Variants in VPS13A observed in about 807,000 individuals in gnomAD.
VPS13A encodes intermembrane lipid transfer protein VPS13A.
In VPS13A, 264 loss-of-function variants were observed where a neutral mutation model predicts 390.9. That is an observed-to-expected ratio of 0.68 (90% confidence interval 0.61 to 0.75). The LOEUF is 0.75. Among genes scored for constraint, VPS13A ranks in the 30% least tolerant of loss-of-function variants. The pLI, the probability that VPS13A is intolerant of heterozygous loss-of-function variation, is 0.00. For synonymous variants in VPS13A, 1,231 were observed against 1,227.1 expected (o/e 1.00, Z -0.07); for missense variants, 3,409 against 3,733.9 (o/e 0.91, Z 2.27).
chr9:77,415,365 A>C (rs765077571), intron 71 of VPS13A, among the ~76,000 whole-genome samples: 2 of 152,212 alleles, frequency 1.3e-5, no homozygotes, highest in Non-Finnish European at 2.9e-5. Context: ...AAGAGGTACA[A>C]ACATCTCTGT....
intron 24 of VPS13A, among the ~76,000 whole-genome samples, chr9:77,273,989 G>C (rs1423418392): frequency 6.6e-6 from 1 of 151,990 alleles, no homozygotes. Context: ...GGCGTATTTT[G>C]GTCTTCTGTA....
intron 53 of VPS13A, 79 bp from the exon 54 acceptor site, chr9:77,353,330 G>C (rs568224942): frequency 3.6e-6 from 4 of 1,120,828 alleles, no homozygotes; most frequent in Non-Finnish European, 5.2e-6. Flanking sequence ...TTTTATAAAT[G>C]TGAAATCTAA....
intron 26 of VPS13A, chr9:77,279,942 G>A (rs1316589516): frequency 7.3e-6 from 3 of 411,818 alleles, no homozygotes; most frequent in Non-Finnish European, 1.4e-5. Flanking sequence ...AGACTTCAGT[G>A]TTGTGGCACA....
intron 17 of VPS13A, among the ~76,000 whole-genome samples, chr9:77,234,692 C>T (rs1442829813): frequency 1.3e-5 from 2 of 152,008 alleles, no homozygotes; most frequent in Admixed American, 6.6e-5. Flanking sequence ...GAAGTTCTGC[C>T]ATTTTGCTAT....
intron 10 of VPS13A, among the ~76,000 whole-genome samples, chr9:77,218,232 G>C (rs1822977014): frequency 6.7e-6 from 1 of 150,038 alleles, no homozygotes. Flanking sequence ...TCCTGTCTCA[G>C]ACTCCCGAGT....
intron 7 of VPS13A, among the ~76,000 whole-genome samples, chr9:77,212,189 C>G (rs1826008832): frequency 6.6e-6 from 1 of 152,146 alleles, no homozygotes; most frequent in South Asian, 2.1e-4. Flanking sequence ...AGTGGCTTTT[C>G]ATTGCTCTTA....
intron 34 of VPS13A, among the ~76,000 whole-genome samples, 172 bp from the exon 35 acceptor site, chr9:77,307,773 A>G (rs1014917875): frequency 3.3e-5 from 5 of 152,194 alleles, no homozygotes; most frequent in African/African-American, 1.2e-4. Flanking sequence ...ACAAGCTACT[A>G]AAGAGCACAT....
At chr9:77,262,759 G>A (rs907841999) in intron 23 of VPS13A, among the ~76,000 whole-genome samples, 33 of 152,274 alleles carry the variant, frequency 2.2e-4, no homozygotes, top group Middle Eastern at 3.4e-3. Flanking sequence ...CAAAGGACAT[G>A]AACTCATCCT....
chr9:77,234,257 G>C (rs1260239459), intron 17 of VPS13A, among the ~76,000 whole-genome samples: 1 of 152,080 alleles, frequency 6.6e-6, no homozygotes, highest in Non-Finnish European at 1.5e-5. Context: ...CCTCACTGCA[G>C]CCTTGAACTC....
chr9:77,217,319 AT>A (rs1273146211), intron 10 of VPS13A, among the ~76,000 whole-genome samples: 1 of 152,108 alleles, frequency 6.6e-6, no homozygotes, highest in African/African-American at 2.4e-5. Context: ...TTTGTATTTA[AT>A]TTTTTATTTG....
chr9:77,382,050 A>C lies in VPS13A; in HGVS notation c.9152A>C (p.Tyr3051Ser). The change falls in exon 68 of 72, where the codon TAC becomes TCC. Residue 3051 changes from tyrosine to serine, a missense_variant. Physicochemically the swap from Tyr to Ser is moderately radical, Grantham distance 144 (BLOSUM62 -2). Around this residue, in one of 5 missense-constraint regions of VPS13A, gnomAD observed 318 missense variants for 333.7 expected, o/e 0.95. Transcript: ENST00000360280. ...FFNEDGVIRPYRLRDGTGNQM... is the reference protein window; with the variant it reads ...FFNEDGVIRPSRLRDGTGNQM... Reference sequence around the variant, plus strand: ...AATGAAGATGGAGTTATCAGACCGTACAGGTTGAGGGATGGGACTGGAAAT... The same window carrying C: ...AATGAAGATGGAGTTATCAGACCGTCCAGGTTGAGGGATGGGACTGGAAAT... The C allele has an allele frequency of 6.2e-7, 1 of 1,608,796 alleles. No homozygotes were observed. Among genetic ancestry groups the C allele is most frequent in the Non-Finnish European group, 8.5e-7 (1 of 1,177,170 alleles).
intron 50 of VPS13A, 92 bp from the exon 51 acceptor site, chr9:77,344,061 T>C: frequency 8.1e-7 from 1 of 1,234,278 alleles, no homozygotes; most frequent in Admixed American, 2.3e-5. Context: ...TTTTTTATAG[T>C]TTAAGTCTAT....
intron 46 of VPS13A, among the ~76,000 whole-genome samples, chr9:77,336,782 G>C (rs1415214425): frequency 6.8e-6 from 1 of 145,988 alleles, no homozygotes; most frequent in African/African-American, 2.5e-5. Flanking sequence ...AGAAAGTTAA[G>C]ATGATATCTA....
At chr9:77,375,010 T>C (rs1832989333) in intron 67 of VPS13A, among the ~76,000 whole-genome samples, 1 of 151,942 alleles carries the variant, frequency 6.6e-6, no homozygotes, top group Admixed American at 6.6e-5. Context: ...AGAATTAAGG[T>C]GGGGGAAAAA....
At chr9:77,220,412 A>G (rs1295833223) in intron 12 of VPS13A, 29 bp downstream of exon 12, 3 of 1,162,128 alleles carry the variant, frequency 2.6e-6, no homozygotes, top group Admixed American at 2.0e-5. Context: ...TTTTTTTTTT[A>G]GATTTTAAAA....
At chr9:77,183,090 C>G (rs1455350878) in intron 1 of VPS13A, among the ~76,000 whole-genome samples, 3 of 152,080 alleles carry the variant, frequency 2.0e-5, no homozygotes, top group African/African-American at 4.8e-5. Context: ...TTCTAAGATA[C>G]TTTAATAAAA....
chr9:77,355,283 G>A (rs943034654), intron 54 of VPS13A, among the ~76,000 whole-genome samples: 1 of 152,172 alleles, frequency 6.6e-6, no homozygotes, highest in Non-Finnish European at 1.5e-5. Context: ...GCCATATCCA[G>A]TGTAGAATTA....
intron 25 of VPS13A, 24 bp downstream of exon 25, chr9:77,275,676 A>C (rs774261203): frequency 1.2e-6 from 2 of 1,606,032 alleles, no homozygotes; most frequent in African/African-American, 2.7e-5. Flanking sequence ...TAAAATTAAC[A>C]TGGCTTAATT....
At position 77,283,619 on chromosome 9, in the gene VPS13A, T is replaced by C. The variant is rs765025568; in HGVS notation, c.3308T>C (p.Leu1103Ser). The C allele has an allele frequency of 4.3e-6, 7 of 1,612,198 alleles. 1 individual carries two copies. In the South Asian group the frequency reaches 7.7e-5, roughly 18 times the overall value. Residue 1103 changes from leucine to serine, a missense_variant, in exon 31 of 72, where the codon TTA becomes TCA. By Grantham distance (145) the Leu-to-Ser change is moderately radical. Around this residue, in one of 5 missense-constraint regions of VPS13A, gnomAD observed 2,717 missense variants for 2,917.4 expected, o/e 0.93. Coordinates refer to ENST00000360280, the MANE Select transcript of VPS13A (RefSeq NM_033305.3). ...GCAAAGCTAAGGAATATAATTGTTTTAGATTCTGATATAACAGCTATATAC... is the reference window on the plus strand; with the variant it reads ...GCAAAGCTAAGGAATATAATTGTTTCAGATTCTGATATAACAGCTATATAC... ...INAKLRNIIV[L>S]DSDITAIYKK...
Sources: gnomAD v4.1 joint callset for allele counts (sites outside exome capture counted in the v4.1 genomes callset) on GRCh38, gnomAD v4.1.1 for gene constraint, gnomAD v4.1.1 regional missense constraint, MANE v1.5 for transcripts, NCBI Gene and HGNC (gene_info 2026-07-23, HGNC 2026-07-21) for gene names.